Variants in HABP2 observed in about 807,000 individuals in gnomAD.
The protein encoded by HABP2 is hyaluronan binding protein 2, also known as factor VII-activating protease.
In HABP2, 65 loss-of-function variants were observed where a neutral mutation model predicts 66.5. The observed-to-expected ratio is 0.98, with a 90% CI of 0.80 to 1.20. The LOEUF (loss-of-function observed/expected upper bound fraction) is 1.20. Ranked by LOEUF, HABP2 falls within the 50% of genes most tolerant of loss-of-function variation. The probability of loss-of-function intolerance (pLI) is 0.00; values close to 1 mark genes in which losing one functional copy is unlikely to be tolerated. For synonymous variants in HABP2, 263 were observed against 253.9 expected (o/e 1.04, Z -0.34); for missense variants, 786 against 691.0 (o/e 1.14, Z -1.54).
intron 2 of HABP2, 77 bp from the exon 3 acceptor site, chr10:113,574,212 G>T (rs1388984877): frequency 2.6e-5 from 20 of 755,596 alleles, no homozygotes; most frequent in Non-Finnish European, 4.5e-5. Flanking sequence ...TGGGGAAAAG[G>T]TGTCCAACTA....
chr10:113,578,771 A>G lies in HABP2; in HGVS notation c.713A>G (p.His238Arg). Residue 238 changes from histidine to arginine, a missense_variant, in exon 7 of 13, where the codon CAT becomes CGT. His to Arg is a conservative substitution (Grantham distance 29, BLOSUM62 0). Transcript: ENST00000351270. The part of the protein sequence containing the change: ...YNMFMEDAET[H>R]GIGEHNFCRN... ...ATGTTTATGGAGGATGCTGAAACCC[A>G]TGGGATTGGGGAACACAATTTCTGC... 1.9e-6 allele frequency: 3 copies of G among 1,612,114 alleles called. No individual in the cohort carries two copies. The highest frequency in any genetic ancestry group is 2.5e-6 in the Non-Finnish European group (3 of 1,178,296).
chr10:113,551,543 T>A (rs1194347249), upstream of HABP2, among the ~76,000 whole-genome samples: 1 of 152,186 alleles, frequency 6.6e-6, no homozygotes, highest in African/African-American at 2.4e-5. Flanking sequence ...CAGTGGCTTA[T>A]GCCTATAATC....
chr10:113,582,532 CCTT>C (rs1308463946), intron 9 of HABP2, among the ~76,000 whole-genome samples: 1 of 152,106 alleles, frequency 6.6e-6, no homozygotes, highest in African/African-American at 2.4e-5. Context: ...CGGGATTCTT[CCTT>C]TACCTTGCCT....
chr10:113,588,832 C>A lies in HABP2; in HGVS notation c.*463C>A. 1.5e-6 allele frequency: 1 copy of A among 684,376 alleles called. No individual in the cohort carries two copies. Among genetic ancestry groups the A allele is most frequent in the Non-Finnish European group, 2.6e-6 (1 of 383,588 alleles). 42.4% of individuals were successfully genotyped at this position (684,376 alleles called of 1,614,324 possible). ...CCACAAATACAACATTCTCCATCTG[C>A]TTTCAGAGTTATTATTTTAATAAAG... is the stretch of plus-strand genomic sequence containing the variant. On this transcript the variant is annotated 3_prime_UTR_variant, in exon 13 of 13. Transcript: ENST00000351270.
intron 1 of HABP2, among the ~76,000 whole-genome samples, chr10:113,563,514 C>T (rs1845137924): frequency 6.6e-6 from 1 of 152,190 alleles, no homozygotes; most frequent in Admixed American, 6.5e-5. Context: ...TTCCGGCGAC[C>T]CCCTGACAGG....
At chr10:113,572,948 G>A (rs1292592624) in intron 2 of HABP2, among the ~76,000 whole-genome samples, 1 of 152,200 alleles carries the variant, frequency 6.6e-6, no homozygotes, top group Non-Finnish European at 1.5e-5. Flanking sequence ...TCAAAAGCCA[G>A]AGAGATAAAG....
intron 7 of HABP2, among the ~76,000 whole-genome samples, chr10:113,579,162 G>C (rs1845473043): frequency 6.6e-6 from 1 of 151,640 alleles, no homozygotes; most frequent in South Asian, 2.1e-4. Context: ...AGGAGGCTGA[G>C]ATGGGAGGAT....
chr10:113,555,370 G>A (rs964533337), intron 1 of HABP2, among the ~76,000 whole-genome samples: 2 of 152,256 alleles, frequency 1.3e-5, no homozygotes, highest in African/African-American at 4.8e-5. Flanking sequence ...TCTTTGGTTC[G>A]TACAGCTTCA....
At chr10:113,559,711 T>C (rs991466588) in intron 1 of HABP2, among the ~76,000 whole-genome samples, 1 of 152,230 alleles carries the variant, frequency 6.6e-6, no homozygotes, top group Admixed American at 6.5e-5. Flanking sequence ...CCAATGTCTT[T>C]AAAATGGAAA....
chr10:113,551,576 C>T (rs559619239), upstream of HABP2, among the ~76,000 whole-genome samples: 5 of 152,054 alleles, frequency 3.3e-5, no homozygotes, highest in Admixed American at 6.6e-5. Context: ...GAGCCTGAGG[C>T]GGGTGGATCA....
intron 5 of HABP2, 30 bp from the exon 6 acceptor site, chr10:113,577,996 G>A (rs375742994): frequency 6.2e-7 from 1 of 1,610,600 alleles, no homozygotes. Flanking sequence ...CTTCTGAAGA[G>A]CCTTCCTGGC....
intron 1 of HABP2, among the ~76,000 whole-genome samples, chr10:113,558,680 G>A (rs3824792): frequency 0.25 from 38,023 of 152,162 alleles, 6,104 homozygotes; most frequent in East Asian, 0.51. Context: ...CACGGAAAGC[G>A]CAGGAGTGAG....
chr10:113,550,841 G>T (rs1844887084), upstream of HABP2: 1 of 152,142 alleles, frequency 6.6e-6, no homozygotes, highest in African/African-American at 2.4e-5. Flanking sequence ...CTTTTTCATA[G>T]AAACCACTAA....
intron 1 of HABP2, among the ~76,000 whole-genome samples, chr10:113,566,520 T>C (rs1263445705): frequency 6.6e-6 from 1 of 152,262 alleles, no homozygotes; most frequent in Non-Finnish European, 1.5e-5. Flanking sequence ...TGTGCCAAGC[T>C]CTATGCTAGG....
intron 1 of HABP2, among the ~76,000 whole-genome samples, chr10:113,553,650 G>A (rs1393972134): frequency 6.6e-6 from 1 of 152,242 alleles, no homozygotes; most frequent in African/African-American, 2.4e-5. Context: ...CCTGCTGACT[G>A]CAAAAGATCC....
At chr10:113,580,729 G>A (rs758445823) in intron 8 of HABP2, 37 bp downstream of exon 8, 14 of 1,079,538 alleles carry the variant, frequency 1.3e-5, no homozygotes, top group Non-Finnish European at 2.0e-5. Flanking sequence ...CAGGGGGTGG[G>A]GGGGATGGAG....
At chr10:113,583,432 T>C in intron 10 of HABP2, 74 bp downstream of exon 10, 1 of 1,386,150 alleles carries the variant, frequency 7.2e-7, no homozygotes. Flanking sequence ...AAGCTGAAGT[T>C]TGGTTCTAGA....
At chr10:113,553,791 C>A (rs367705950) in intron 1 of HABP2, among the ~76,000 whole-genome samples, 1 of 152,130 alleles carries the variant, frequency 6.6e-6, no homozygotes, top group Non-Finnish European at 1.5e-5. Context: ...GGTTGCAGTG[C>A]GCAGGGAAGG....
intron 1 of HABP2, among the ~76,000 whole-genome samples, chr10:113,560,354 C>T (rs151254752): frequency 3.9e-5 from 6 of 152,304 alleles, no homozygotes; most frequent in Admixed American, 2.0e-4. Context: ...CTATCATTTT[C>T]GAGAATGGGG....
Sources: gnomAD v4.1 joint callset for allele counts (sites outside exome capture counted in the v4.1 genomes callset) on GRCh38, gnomAD v4.1.1 for gene constraint, MANE v1.5 for transcripts, NCBI Gene and HGNC (gene_info 2026-07-23, HGNC 2026-07-21) for gene names.